The following TMEM128 variants were observed in gnomAD, a reference collection of about 807,000 sequenced individuals.
TMEM128 encodes the protein transmembrane protein 128.
TMEM128 carries 16 observed loss-of-function variants against 19.7 expected under a neutral mutation model. That is an observed-to-expected ratio of 0.81 (90% CI 0.55 to 1.23). TMEM128 has a LOEUF of 1.23. Ranked by LOEUF, TMEM128 falls within the 50% of genes most tolerant of loss-of-function variation. The pLI is 0.00. For missense variants in TMEM128, 237 were observed against 200.8 expected (o/e 1.18, Z -1.09); for synonymous variants, 98 against 75.8 (o/e 1.29, Z -1.52).
chr4:4,248,063 C>A lies in TMEM128; in HGVS notation c.97+43G>T, dbSNP rs540674629. On this transcript the variant is annotated intron_variant, in intron 1 of 4. Transcript: ENST00000382753. ...GCCGGAGGCCGGCCGTTTTCCGACG[C>A]CTCGCCTCTGAGAACCTCGGGGCGG... is the stretch of plus-strand genomic sequence containing the variant. The A allele has an allele frequency of 4.6e-5, 71 of 1,532,594 alleles. No homozygotes were observed. The East Asian group carries it at 1.3e-3, about 27-fold the overall frequency. 94.9% of individuals were successfully genotyped at this position (1,532,594 alleles called of 1,614,324 possible).
chr4:4,236,286 G>A (rs113268102), intron 4 of TMEM128, 30 bp from the exon 5 acceptor site: 2 of 149,276 alleles, frequency 1.3e-5, no homozygotes, highest in African/African-American at 4.9e-5. Flanking sequence ...AAAAGTGTAT[G>A]TCCTTAAATC....
intron 2 of TMEM128, among the ~76,000 whole-genome samples, chr4:4,245,065 C>T (rs3846231): frequency 0.31 from 46,903 of 151,984 alleles, 7,852 homozygotes; most frequent in East Asian, 0.44. Flanking sequence ...TGCCATGATA[C>T]GAGGGGACCA....
chr4:4,244,135 G>A (rs1045990228), intron 2 of TMEM128, among the ~76,000 whole-genome samples: 4 of 152,230 alleles, frequency 2.6e-5, no homozygotes, highest in African/African-American at 9.6e-5. Flanking sequence ...CCTCCATAAA[G>A]TATCTGATGA....
At position 4,239,436 on chromosome 4, in the gene TMEM128, A is replaced by G. The variant is rs568463165; in HGVS notation, c.398+885T>C. ...AACTATAAGGATCCACTGAAAAACA[A>G]AAGGAGAAAAGGACAAACAACCACT... On this transcript the variant is annotated intron_variant, in intron 3 of 4. Coordinates refer to ENST00000382753, the MANE Select transcript of TMEM128 (RefSeq NM_001297551.2). Among the ~76,000 whole-genome samples the G allele has an allele frequency of 2.0e-5, 3 of 152,270 alleles. No individual in the cohort carries two copies. The East Asian group carries it at 5.8e-4, about 29-fold the overall frequency.
At position 4,246,263 on chromosome 4, in the gene TMEM128, T is replaced by C. The variant is rs1363845102; in HGVS notation, c.178A>G (p.Ile60Val). Residue 60 changes from isoleucine to valine, a missense_variant, in exon 2 of 5, where the codon ATT becomes GTT. By Grantham distance (29) the Ile-to-Val change is conservative. Coordinates refer to ENST00000382753, the MANE Select transcript of TMEM128 (RefSeq NM_001297551.2). ...IHSGFWILAS[I>V]VVTYYVDFFK... ...AAGTCAACATAATAGGTCACAACAA[T>C]GGATGCCAAAATCCAGAATCCAGAA... The C allele has an allele frequency of 1.9e-6, 3 of 1,613,212 alleles. No individual in the cohort carries two copies. Among genetic ancestry groups the C allele is most frequent in the Non-Finnish European group, 1.7e-6 (2 of 1,179,692 alleles).
chr4:4,241,852 A>AACTCTT (rs1717970423), intron 2 of TMEM128, among the ~76,000 whole-genome samples: 1 of 152,178 alleles, frequency 6.6e-6, no homozygotes, highest in Admixed American at 6.5e-5. Context: ...AGTGCTCCTC[A>AACTCTT]CAGCTGACTC....
rs142764000 is a variant in TMEM128, at chr4:4,245,427, C to T, written c.239+775G>A. On this transcript the variant is annotated intron_variant, in intron 2 of 4. Transcript: ENST00000382753. The stretch of plus-strand genomic sequence containing the variant: ...GTAGTTACCTTGTCAGCTGTAACCA[C>T]CCTCTGAAACCAACCCTGAGACCCA... 2.0e-5 allele frequency among the ~76,000 whole-genome samples: 3 copies of T among 152,250 alleles called. No homozygotes were observed. In the East Asian group the frequency reaches 5.8e-4, roughly 29 times the overall value.
intron 1 of TMEM128, among the ~76,000 whole-genome samples, 169 bp from the exon 2 acceptor site, chr4:4,246,512 C>T (rs1038638582): frequency 2.6e-5 from 4 of 152,228 alleles, no homozygotes; most frequent in Non-Finnish European, 4.4e-5. Context: ...AAAATAAGAG[C>T]CCACTATAAA....
In TMEM128 at chr4:4,248,152, CAGG is replaced by C. The variant is rs1266195639; in HGVS notation, c.48_50del (p.Leu17del). 6.5e-7 allele frequency: 1 copy of C among 1,534,106 alleles called. No homozygotes were observed. Among genetic ancestry groups the C allele is most frequent in the Non-Finnish European group, 8.8e-7 (1 of 1,142,058 alleles). Reference sequence around the variant, plus strand: ...GGTCCAGCTGGGCCTCGGCGTCCGGCAGGAGGAGGAATCGCCGCCGGAGCTGCT... The same window carrying C: ...GGTCCAGCTGGGCCTCGGCGTCCGGCAGGAGGAATCGCCGCCGGAGCTGCT... On this transcript the variant is annotated inframe_deletion, in exon 1 of 5. Transcript: ENST00000382753.
At chr4:4,247,978 T>C in intron 1 of TMEM128, 128 bp downstream of exon 1, 2 of 1,449,966 alleles carry the variant, frequency 1.4e-6, no homozygotes, top group Non-Finnish European at 9.0e-7. Context: ...GGATCTTCCC[T>C]GACATTAAAT....
In TMEM128 at chr4:4,239,036, C is replaced by T. The variant is rs561207633; in HGVS notation, c.399-1101G>A. The stretch of plus-strand genomic sequence containing the variant: ...TGGGTGACACAGTGAGACCCTATCT[C>T]CAAAAAGAAAAAAAAATCCAATTGA... On this transcript the variant is annotated intron_variant, in intron 3 of 4. Coordinates refer to ENST00000382753, the MANE Select transcript of TMEM128 (RefSeq NM_001297551.2). 3.0e-3 allele frequency among the ~76,000 whole-genome samples: 455 copies of T among 151,612 alleles called. 2 individuals carry two copies. The highest frequency in any genetic ancestry group is 0.01 in the African/African-American group (433 of 41,322).
rs1260723331 is a variant in TMEM128, at chr4:4,246,270, CA to C, written c.170del (p.Leu57TrpfsTer6). ...CATAATAGGTCACAACAATGGATGCCAAAATCCAGAATCCAGAATGGATATT... is the reference window on the plus strand; with the variant it reads ...CATAATAGGTCACAACAATGGATGCCAAATCCAGAATCCAGAATGGATATT... Reference protein sequence around the residue: ...RLNIHSGFWILASIVVTYYVD... With the variant: ...RLNIHSGFWIXASIVVTYYVD... On this transcript the variant is annotated frameshift_variant, in exon 2 of 5. Coordinates refer to ENST00000382753, the MANE Select transcript of TMEM128 (RefSeq NM_001297551.2). LOFTEE classifies it high-confidence loss of function. 2 of 1,612,678 alleles carry C rather than the reference CA, an allele frequency of 1.2e-6. No individual in the cohort carries two copies. The highest frequency in any genetic ancestry group is 1.7e-6 in the Non-Finnish European group (2 of 1,179,514).
intron 1 of TMEM128, chr4:4,247,883 T>A (rs1402648979): frequency 1.3e-5 from 19 of 1,430,362 alleles, no homozygotes; most frequent in Non-Finnish European, 1.7e-5. Context: ...TTTTAATCGC[T>A]ATTTCCAAAT....
intron 3 of TMEM128, 113 bp downstream of exon 3, chr4:4,240,208 C>G (rs1717889817): frequency 9.9e-7 from 1 of 1,014,994 alleles, no homozygotes; most frequent in Non-Finnish European, 1.4e-6. Flanking sequence ...GACCAGGAGA[C>G]TATTTTTCTG....
intron 3 of TMEM128, among the ~76,000 whole-genome samples, chr4:4,239,454 C>G (rs1358710651): frequency 3.9e-5 from 6 of 152,136 alleles, no homozygotes; most frequent in Admixed American, 1.3e-4. Context: ...AAAGGACAAA[C>G]AACCACTTTG....
At position 4,240,400 on chromosome 4, in the gene TMEM128, A is replaced by G. The variant is rs762119908; in HGVS notation, c.319T>C (p.Cys107Arg). 3.1e-6 allele frequency: 5 copies of G among 1,614,210 alleles called. No individual in the cohort carries two copies. Among genetic ancestry groups the G allele is most frequent in the East Asian group, 4.5e-5 (2 of 44,880 alleles). ...FYCIVYLEWY[C>R]GIGEYDVKYP... ...TTGACATCATATTCTCCAATTCCAC[A>G]ATACCATTCCAGGTAGACTATGCAG... Residue 107 changes from cysteine to arginine, a missense_variant, in exon 3 of 5, where the codon TGT becomes CGT. By Grantham distance (180) the Cys-to-Arg change is radical. Transcript: ENST00000382753.
chr4:4,240,261 TATCTG>T (rs1717891911), intron 3 of TMEM128, 55 bp downstream of exon 3: 3 of 1,571,122 alleles, frequency 1.9e-6, no homozygotes, highest in Middle Eastern at 3.4e-4. Flanking sequence ...AGCATATCAC[TATCTG>T]ATCAAAAAAA....
intron 1 of TMEM128, chr4:4,247,585 A>C (rs752606954): frequency 6.2e-7 from 1 of 1,614,196 alleles, no homozygotes. Context: ...ACAGGTGAAC[A>C]TACATCACAA....
chr4:4,242,940 C>T (rs530974486), intron 2 of TMEM128, among the ~76,000 whole-genome samples: 4 of 152,172 alleles, frequency 2.6e-5, no homozygotes, highest in Non-Finnish European at 5.9e-5. Flanking sequence ...TCCCCAGTTT[C>T]CAAAATTCTG....
Sources: allele counts gnomAD v4.1 joint callset (sites outside exome capture counted in the v4.1 genomes callset), GRCh38; gene constraint gnomAD v4.1.1; transcripts MANE v1.5; gene names NCBI Gene and HGNC (gene_info 2026-07-23, HGNC 2026-07-21).